Variants in SLC29A3 observed in about 807,000 individuals in gnomAD.
SLC29A3 encodes the protein solute carrier family 29 member 3, also known as equilibrative nucleoside transporter 3.
SLC29A3 carries 18 observed loss-of-function variants against 25.4 expected under a neutral mutation model. That is an observed-to-expected ratio of 0.71 (90% CI 0.49 to 1.05). SLC29A3 has a LOEUF of 1.05. Among genes scored for constraint, SLC29A3 ranks in the 50% least tolerant of loss-of-function variants. SLC29A3 has a pLI of 0.00. For missense variants in SLC29A3, 586 were observed against 609.0 expected (o/e 0.96, Z 0.40); for synonymous variants, 258 against 267.1 (o/e 0.97, Z 0.33).
downstream of SLC29A3, chr10:71,364,433 A>C (rs140587726): frequency 6.6e-6 from 1 of 152,130 alleles, no homozygotes; most frequent in African/African-American, 2.4e-5. Context: ...AGAGTAATTT[A>C]TATTTTTTTC....
At chr10:71,379,140 G>T (rs1847282740) in intron 4 of SLC29A3, among the ~76,000 whole-genome samples, 1 of 152,232 alleles carries the variant, frequency 6.6e-6, no homozygotes, top group East Asian at 1.9e-4. Flanking sequence ...GCTTGCCCAA[G>T]AATTTGAATC....
At chr10:71,370,556 C>A (rs1319679429) in intron 3 of SLC29A3, among the ~76,000 whole-genome samples, 1 of 152,068 alleles carries the variant, frequency 6.6e-6, no homozygotes, top group Non-Finnish European at 1.5e-5. Context: ...TGGAGTCTTG[C>A]TATGTTGCTG....
intron 2 of SLC29A3, among the ~76,000 whole-genome samples, chr10:71,324,055 A>G (rs1845912393): frequency 1.3e-5 from 2 of 152,060 alleles, no homozygotes; most frequent in East Asian, 1.9e-4. Flanking sequence ...TTATACTGAC[A>G]CTCGTTAAAA....
At chr10:71,355,640 C>T (rs1846884184) in intron 4 of SLC29A3, among the ~76,000 whole-genome samples, 2 of 152,146 alleles carry the variant, frequency 1.3e-5, no homozygotes, top group Non-Finnish European at 2.9e-5. Flanking sequence ...GCCTCCTTCC[C>T]AGTTTGGTTG....
chr10:71,369,664 C>T (rs1247554368), intron 3 of SLC29A3, among the ~76,000 whole-genome samples: 1 of 152,212 alleles, frequency 6.6e-6, no homozygotes, highest in African/African-American at 2.4e-5. Flanking sequence ...GGCCCTGCTT[C>T]TGCAGCAGGA....
At chr10:71,365,376 A>T (rs139127565), downstream of SLC29A3, 827 of 152,490 alleles carry the variant, frequency 5.4e-3, 3 homozygotes, top group Non-Finnish European at 9.3e-3. Context: ...GGGGTCTCTC[A>T]TGCTCTGTTG....
At position 71,351,692 on chromosome 10, in the gene SLC29A3, ATGG is replaced by A. The variant is rs781613293; in HGVS notation, c.517_519del (p.Val173del). The A allele has an allele frequency of 5.6e-6, 9 of 1,614,040 alleles. No homozygotes were observed. The highest frequency in any genetic ancestry group is 7.6e-6 in the Non-Finnish European group (9 of 1,180,038). ...CTTTTTTGCGGTCACCATTGTCTGC[ATGG>A]TGATCCTCAGCGGTGCCTCCACTGT... On this transcript the variant is annotated inframe_deletion, in exon 4 of 6. Transcript: ENST00000373189.
downstream of SLC29A3, chr10:71,363,392 C>A: frequency 2.2e-6 from 1 of 453,310 alleles, no homozygotes; most frequent in African/African-American, 2.0e-5. Flanking sequence ...TCAATGTAAG[C>A]CTCATTGATG....
chr10:71,350,241 A>G (rs1846714984), intron 3 of SLC29A3, among the ~76,000 whole-genome samples: 1 of 151,668 alleles, frequency 6.6e-6, no homozygotes, highest in Non-Finnish European at 1.5e-5. Context: ...GGGAAACTCA[A>G]ATTAGCCTGG....
chr10:71,336,839 G>A (rs998220137), intron 2 of SLC29A3, among the ~76,000 whole-genome samples: 1 of 152,096 alleles, frequency 6.6e-6, no homozygotes, highest in Non-Finnish European at 1.5e-5. Context: ...CGTCCAGCAG[G>A]GATTCCTGAG....
chr10:71,357,414 CA>C (rs111811436), intron 5 of SLC29A3, among the ~76,000 whole-genome samples: 2,917 of 141,364 alleles, frequency 0.021, 73 homozygotes, highest in African/African-American at 0.05. Context: ...GCCTCCATCT[CA>C]AAAAAAAAAA....
Position 71,362,498 on chromosome 10 carries a change from A to G in SLC29A3, c.1318A>G (p.Ile440Val), listed in dbSNP as rs1847093042. The G allele has an allele frequency of 1.2e-6, 2 of 1,614,162 alleles. No individual in the cohort carries two copies. The highest frequency in any genetic ancestry group is 4.5e-5 in the East Asian group (2 of 44,868). The change falls in exon 6 of 6, where the codon ATT becomes GTT. Residue 440 changes from isoleucine to valine, a missense_variant. Coordinates refer to ENST00000373189, the MANE Select transcript of SLC29A3 (RefSeq NM_018344.6). ...STLALLYGPK[I>V]VPRELAEATG... is the part of the protein sequence containing the mutation. ...CCTGGCCCTCCTCTACGGGCCTAAGATTGTGCCCAGGGAGCTGGCTGAGGC... is the reference window on the plus strand; with the variant it reads ...CCTGGCCCTCCTCTACGGGCCTAAGGTTGTGCCCAGGGAGCTGGCTGAGGC...
intron 4 of SLC29A3, among the ~76,000 whole-genome samples, chr10:71,379,607 C>G (rs1039037303): frequency 6.6e-6 from 1 of 152,226 alleles, no homozygotes; most frequent in Non-Finnish European, 1.5e-5. Context: ...TCTTCTGTTT[C>G]CTTCAGCCCT....
chr10:71,344,428 G>T (rs1056902669), intron 3 of SLC29A3, 137 bp downstream of exon 3: 4 of 718,540 alleles, frequency 5.6e-6, no homozygotes, highest in Non-Finnish European at 1.0e-5. Flanking sequence ...TCAGATTTAT[G>T]CATGAAGAGT....
intron 1 of SLC29A3, chr10:71,319,537 C>T (rs544482429): frequency 1.9e-5 from 8 of 415,308 alleles, no homozygotes; most frequent in Admixed American, 1.3e-4. Flanking sequence ...CCTCTCCCCT[C>T]CTCCTCCCTG....
chr10:71,331,655 G>A (rs1054390586), intron 2 of SLC29A3, among the ~76,000 whole-genome samples: 1 of 152,142 alleles, frequency 6.6e-6, no homozygotes. Flanking sequence ...TTCTGGTCGT[G>A]ACCCATCAAA....
chr10:71,355,347 G>A (rs191219903), intron 4 of SLC29A3, among the ~76,000 whole-genome samples: 3 of 152,328 alleles, frequency 2.0e-5, no homozygotes, highest in South Asian at 2.1e-4. Context: ...GCAGCCACAC[G>A]GTCTCACAGG....
intron 1 of SLC29A3, 26 bp from the exon 2 acceptor site, chr10:71,322,730 C>A (rs756333351): frequency 1.9e-6 from 3 of 1,613,708 alleles, no homozygotes; most frequent in Non-Finnish European, 1.7e-6. Context: ...CCTACCCTGT[C>A]TCTGTTGCCC....
chr10:71,334,427 G>A (rs994589607), intron 2 of SLC29A3, among the ~76,000 whole-genome samples: 1 of 152,188 alleles, frequency 6.6e-6, no homozygotes, highest in African/African-American at 2.4e-5. Flanking sequence ...TCCCAGTTCT[G>A]TGATCTATTA....
Sources: gnomAD v4.1 joint callset for allele counts (sites outside exome capture counted in the v4.1 genomes callset) on GRCh38, gnomAD v4.1.1 for gene constraint, MANE v1.5 for transcripts, NCBI Gene and HGNC (gene_info 2026-07-23, HGNC 2026-07-21) for gene names.